FNBP1: variants seen among roughly 807,000 people sequenced by gnomAD.
FNBP1 encodes formin binding protein 1.
FNBP1 carries 26 observed loss-of-function variants against 90.6 expected under a neutral mutation model. The ratio of observed to expected loss-of-function variants is 0.29; its 90% CI spans 0.21 to 0.40. FNBP1 has a LOEUF of 0.40. FNBP1 is among the 10% of genes least tolerant of loss of function. The pLI is 1.00. For missense variants in FNBP1, 635 were observed against 768.0 expected (o/e 0.83, Z 2.05); for synonymous variants, 260 against 265.2 (o/e 0.98, Z 0.19).
chr9:129,982,727 T>C (rs1417372551), intron 2 of FNBP1, among the ~76,000 whole-genome samples: 2 of 152,170 alleles, frequency 1.3e-5, no homozygotes, highest in Non-Finnish European at 2.9e-5. Context: ...AGTGGCATGA[T>C]CATGGCTCAC....
chr9:129,942,543 A>G (rs1409054268), intron 6 of FNBP1, among the ~76,000 whole-genome samples: 1 of 152,112 alleles, frequency 6.6e-6, no homozygotes, highest in Non-Finnish European at 1.5e-5. Flanking sequence ...AAGAGTAAGG[A>G]GCTTATTTAA....
At chr9:129,893,673 T>C (rs1460605094) in intron 16 of FNBP1, among the ~76,000 whole-genome samples, 2 of 136,368 alleles carry the variant, frequency 1.5e-5, no homozygotes, top group East Asian at 4.6e-4. Context: ...TCCCAACACT[T>C]TGGGAGGCTG....
At chr9:130,048,130 G>C (rs1443529951), upstream of FNBP1, among the ~76,000 whole-genome samples, 1 of 148,858 alleles carries the variant, frequency 6.7e-6, no homozygotes, top group Non-Finnish European at 1.5e-5. Flanking sequence ...GACCAGCCTG[G>C]GCAACATGGC....
intron 1 of FNBP1, among the ~76,000 whole-genome samples, chr9:130,029,322 C>T (rs1589368068): frequency 6.6e-6 from 1 of 152,112 alleles, no homozygotes; most frequent in East Asian, 1.9e-4. Context: ...CCATGTTGCT[C>T]AGGCTGGTGT....
intron 6 of FNBP1, among the ~76,000 whole-genome samples, chr9:129,938,986 A>G (rs1182364845): frequency 1.3e-5 from 2 of 151,958 alleles, no homozygotes; most frequent in Non-Finnish European, 2.9e-5. Flanking sequence ...ATTGATTATT[A>G]TTACTTTTGA....
chr9:129,949,732 A>AC lies in FNBP1; in HGVS notation c.513+7627_513+7628insG, dbSNP rs200997973. ...AAAACAAACAAACAAACAAAACAAA[A>AC]AAAAAAACAGTGAACACAGTGCTAA... On this transcript the variant is annotated intron_variant, in intron 6 of 16. Transcript: ENST00000446176. Among the ~76,000 whole-genome samples the AC allele has an allele frequency of 7.1e-3, 1,088 of 152,182 alleles. 13 individuals carry two copies. The highest frequency in any genetic ancestry group is 0.021 in the African/African-American group (866 of 41,520).
intron 1 of FNBP1, among the ~76,000 whole-genome samples, chr9:130,037,978 C>T (rs1003348171): frequency 2.0e-5 from 3 of 152,144 alleles, no homozygotes; most frequent in Admixed American, 1.3e-4. Context: ...TGAAAGTGCA[C>T]ACCACGATCA....
intron 6 of FNBP1, among the ~76,000 whole-genome samples, chr9:129,937,266 CAA>C (rs2043622757): frequency 1.3e-5 from 2 of 152,058 alleles, no homozygotes; most frequent in Admixed American, 6.6e-5. Context: ...GATATAATAA[CAA>C]AAGATATCCA....
At chr9:129,937,494 A>T (rs1014967142) in intron 6 of FNBP1, among the ~76,000 whole-genome samples, 1 of 152,108 alleles carries the variant, frequency 6.6e-6, no homozygotes. Flanking sequence ...GCACTTTGGG[A>T]GGCTGAGGCG....
chr9:129,933,496 T>G (rs145850677), intron 6 of FNBP1: 136 of 152,272 alleles, frequency 8.9e-4, no homozygotes, highest in African/African-American at 3.2e-3. Flanking sequence ...CATAATGCCC[T>G]TTGCCCTGTT....
chr9:129,907,087 T>TTC (rs1301784729), intron 12 of FNBP1, among the ~76,000 whole-genome samples: 1 of 150,516 alleles, frequency 6.6e-6, no homozygotes, highest in Non-Finnish European at 1.5e-5. Flanking sequence ...CCAAGCACGT[T>TTC]TTTTTTTTTT....
chr9:129,913,297 A>T (rs1588491639), intron 11 of FNBP1, among the ~76,000 whole-genome samples: 1 of 152,198 alleles, frequency 6.6e-6, no homozygotes, highest in Non-Finnish European at 1.5e-5. Context: ...GCAGGTGTAT[A>T]AACAGGTGCA....
chr9:130,029,579 A>G lies in FNBP1; in HGVS notation c.24+13373T>C, dbSNP rs76131270. Among the ~76,000 whole-genome samples the G allele has an allele frequency of 3.3e-5, 5 of 152,324 alleles. No individual in the cohort carries two copies. In the East Asian group the frequency reaches 7.7e-4, roughly 23 times the overall value. On this transcript the variant is annotated intron_variant, in intron 1 of 16. Coordinates refer to ENST00000446176, the MANE Select transcript of FNBP1 (RefSeq NM_015033.3). Reference sequence around the variant, plus strand: ...AATATTGCTAGATTTTAGATTTGCTATAAAGAATAAAAATGAGCAAAAACT... The same window carrying G: ...AATATTGCTAGATTTTAGATTTGCTGTAAAGAATAAAAATGAGCAAAAACT...
chr9:129,905,887 T>TG lies in FNBP1; in HGVS notation c.1296-2887_1296-2886insC, dbSNP rs1212488235. 4.0e-3 allele frequency among the ~76,000 whole-genome samples: 606 copies of TG among 151,550 alleles called. 2 individuals are homozygous for TG. Among genetic ancestry groups the TG allele is most frequent in the African/African-American group, 9.8e-3 (406 of 41,312 alleles). ...TATTTAGAGGCATATTTCTTTTTTT[T>TG]TTTGTTTTTTTTTGAGACTGAGTTT... is the stretch of plus-strand genomic sequence containing the variant. On this transcript the variant is annotated intron_variant, in intron 12 of 16. Coordinates refer to ENST00000446176, the MANE Select transcript of FNBP1 (RefSeq NM_015033.3).
intron 1 of FNBP1, among the ~76,000 whole-genome samples, chr9:130,021,054 G>A (rs1025545965): frequency 6.6e-6 from 1 of 152,130 alleles, no homozygotes; most frequent in African/African-American, 2.4e-5. Flanking sequence ...TCTCCAAAAC[G>A]TCAAATTGCT....
chr9:129,988,682 G>GA (rs538552933), intron 2 of FNBP1, among the ~76,000 whole-genome samples: 15 of 149,634 alleles, frequency 1.0e-4, no homozygotes, highest in South Asian at 2.1e-4. Flanking sequence ...ATCTCGAAGA[G>GA]AAAAAAAAAA....
chr9:130,016,320 C>T (rs2057234245), intron 1 of FNBP1, among the ~76,000 whole-genome samples: 1 of 152,186 alleles, frequency 6.6e-6, no homozygotes, highest in African/African-American at 2.4e-5. Flanking sequence ...TGAAACTCCA[C>T]TTACCAGGAG....
intron 6 of FNBP1, among the ~76,000 whole-genome samples, chr9:129,933,199 T>C (rs2043002511): frequency 6.6e-6 from 1 of 152,170 alleles, no homozygotes; most frequent in Admixed American, 6.5e-5. Flanking sequence ...GCCATCATTA[T>C]ATATAATATG....
At chr9:130,050,817 TTTTTTTTG>T in the FNBP1 span, among the ~76,000 whole-genome samples, 1 of 29,310 alleles carries the variant, frequency 3.4e-5, no homozygotes, top group South Asian at 2.1e-3. Context: ...TTTTTGTGTT[TTTTTTTTG>T]TTTTTTTGTT....
Sources: gnomAD v4.1 joint callset for allele counts (sites outside exome capture counted in the v4.1 genomes callset) on GRCh38, gnomAD v4.1.1 for gene constraint, MANE v1.5 for transcripts, NCBI Gene and HGNC (gene_info 2026-07-23, HGNC 2026-07-21) for gene names.